The following MYRIP variants were observed in gnomAD, a reference collection of about 807,000 sequenced individuals.
MYRIP encodes the protein rab effector MyRIP.
MYRIP carries 49 observed loss-of-function variants against 98.0 expected under a neutral mutation model. The observed-to-expected ratio is 0.50, with a 90% CI of 0.40 to 0.63. The LOEUF (loss-of-function observed/expected upper bound fraction) is 0.63, where lower values mean the gene tolerates loss of function less well. MYRIP is among the 30% of genes least tolerant of loss of function. The probability of loss-of-function intolerance (pLI) is 0.00; values close to 1 mark genes in which losing one functional copy is unlikely to be tolerated. For synonymous variants in MYRIP, 404 were observed against 409.5 expected, an observed-to-expected ratio of 0.99 and a Z score of 0.16; for missense variants, 1,004 against 1,058.2, an observed-to-expected ratio of 0.95 and a Z score of 0.71.
intron 10 of MYRIP, among the ~76,000 whole-genome samples, chr3:40,196,204 T>C (rs1181364822): frequency 6.6e-6 from 1 of 152,060 alleles, no homozygotes. Flanking sequence ...CTTTCATTCA[T>C]TAATCCCAGG....
At chr3:39,912,975 G>A (rs1944060233) in intron 2 of MYRIP, among the ~76,000 whole-genome samples, 1 of 152,174 alleles carries the variant, frequency 6.6e-6, no homozygotes, top group Admixed American at 6.5e-5. Context: ...AGGAGGCGGA[G>A]GTTGCAGTAA....
chr3:39,970,003 T>G (rs746296390), intron 2 of MYRIP: 1 of 152,172 alleles, frequency 6.6e-6, no homozygotes, highest in African/African-American at 2.4e-5. Flanking sequence ...TGGAGCTTGT[T>G]GTTAAGTCTG....
intron 4 of MYRIP, among the ~76,000 whole-genome samples, chr3:40,161,438 A>G (rs1950393517): frequency 6.6e-6 from 1 of 151,788 alleles, no homozygotes; most frequent in South Asian, 2.1e-4. Context: ...GCAACCTCAA[A>G]TCTTCCTTCC....
At chr3:40,011,193 C>T (rs770633025) in intron 2 of MYRIP, among the ~76,000 whole-genome samples, 1 of 152,180 alleles carries the variant, frequency 6.6e-6, no homozygotes, top group African/African-American at 2.4e-5. Context: ...TCCCTCTAAG[C>T]ATCCTATGCC....
rs527868317 is a variant in MYRIP at position 40,135,796 on chromosome 3, G to A, written c.333-15252G>A. ...TCCAGCCAAACTAAGCTTCATAAGT[G>A]AAGGAGAAATAAAATACTTTACAGA... On this transcript the variant is annotated intron_variant, in intron 3 of 16. Transcript: ENST00000302541. Among the ~76,000 whole-genome samples, 116 of 152,262 alleles carry A rather than the reference G, an allele frequency of 7.6e-4. 1 individual carries two copies. The highest frequency in any genetic ancestry group is 2.5e-3 in the African/African-American group (102 of 41,558).
chr3:39,818,520 T>A (rs1428979420), intron 1 of MYRIP, among the ~76,000 whole-genome samples: 1 of 152,212 alleles, frequency 6.6e-6, no homozygotes, highest in Non-Finnish European at 1.5e-5. Context: ...TTATTTGGTG[T>A]TTTTGAAAGA....
intron 3 of MYRIP, among the ~76,000 whole-genome samples, chr3:40,092,863 C>A (rs961928535): frequency 1.3e-5 from 2 of 152,176 alleles, no homozygotes; most frequent in Admixed American, 6.5e-5. Context: ...CTTCTAGAAG[C>A]TAGTCTGTCT....
chr3:39,996,792 T>A (rs1946370535), intron 2 of MYRIP, among the ~76,000 whole-genome samples: 1 of 152,108 alleles, frequency 6.6e-6, no homozygotes, highest in African/African-American at 2.4e-5. Flanking sequence ...AGTAAAGCAC[T>A]CCTCAGCAAA....
chr3:39,916,397 T>C (rs1575376033), intron 2 of MYRIP, among the ~76,000 whole-genome samples: 1 of 128,088 alleles, frequency 7.8e-6, no homozygotes, highest in East Asian at 2.2e-4. Context: ...CTTATCCTTT[T>C]ATATTGAGAA....
At chr3:39,908,517 C>G (rs796931147) in intron 2 of MYRIP, among the ~76,000 whole-genome samples, 1 of 152,094 alleles carries the variant, frequency 6.6e-6, no homozygotes, top group African/African-American at 2.4e-5. Context: ...GGAAGCAAAG[C>G]CTTTCTCAAA....
At position 40,167,693 on chromosome 3, in the gene MYRIP, C is replaced by G. The variant is rs1575591495; in HGVS notation, c.729+454C>G. Among the ~76,000 whole-genome samples, 3 of 152,296 alleles carry G rather than the reference C, an allele frequency of 2.0e-5. No individual in the cohort carries two copies. The East Asian group carries it at 5.8e-4, about 29-fold the overall frequency. On this transcript the variant is annotated intron_variant, in intron 7 of 16. Coordinates refer to ENST00000302541, the MANE Select transcript of MYRIP (RefSeq NM_015460.4). ...ACACCAGCCACAAGTTTCAGGTATC[C>G]CAAAGCCACCACACTTCTCCCTAGC...
rs1011098295 is a variant in MYRIP at position 39,900,882 on chromosome 3, T to C, written c.66T>C (p.Val22=). Residue 22 remains valine (V), a synonymous_variant, in exon 2 of 17, where the codon GTT becomes GTC. Transcript: ENST00000302541. Reference sequence around the variant, plus strand: ...AAACAGAGCATGTTCTTCAGGTGGTTCAAAGAGACTTCAATCTTCGCAAAA... The same window carrying C: ...AAACAGAGCATGTTCTTCAGGTGGTCCAAAGAGACTTCAATCTTCGCAAAA... ...DDETEHVLQV[V]QRDFNLRKKE... 2 of 1,613,692 alleles carry C rather than the reference T, an allele frequency of 1.2e-6. No homozygotes were observed. Among genetic ancestry groups the C allele is most frequent in the Admixed American group, 1.7e-5 (1 of 60,000 alleles).
chr3:40,174,350 C>T (rs1950699021), intron 8 of MYRIP: 1 of 152,234 alleles, frequency 6.6e-6, no homozygotes, highest in Admixed American at 6.5e-5. Context: ...CCATGATTTT[C>T]AATATGTAAA....
intron 3 of MYRIP, among the ~76,000 whole-genome samples, chr3:40,138,964 A>G (rs965357843): frequency 7.2e-5 from 11 of 152,068 alleles, no homozygotes; most frequent in African/African-American, 9.7e-5. Flanking sequence ...GTCTCTCCCT[A>G]TCACCTTCTT....
intron 2 of MYRIP, among the ~76,000 whole-genome samples, chr3:39,960,426 G>A (rs1210105749): frequency 1.3e-5 from 2 of 152,098 alleles, no homozygotes; most frequent in Middle Eastern, 3.2e-3. Flanking sequence ...TTTAATAATA[G>A]CATGCAGTAA....
At chr3:40,109,481 C>T (rs1243127702) in intron 3 of MYRIP, among the ~76,000 whole-genome samples, 1 of 152,178 alleles carries the variant, frequency 6.6e-6, no homozygotes, top group East Asian at 1.9e-4. Context: ...GAGCCATTGC[C>T]TTTCAAGGAG....
chr3:39,911,425 T>G (rs964561573), intron 2 of MYRIP, among the ~76,000 whole-genome samples: 2 of 152,230 alleles, frequency 1.3e-5, no homozygotes, highest in African/African-American at 4.8e-5. Flanking sequence ...TCTACTAGGT[T>G]GCTTTTATGG....
intron 1 of MYRIP, among the ~76,000 whole-genome samples, chr3:39,873,291 C>T (rs1443622912): frequency 1.3e-5 from 2 of 152,172 alleles, no homozygotes; most frequent in South Asian, 2.1e-4. Context: ...TGTAGGTTGC[C>T]TGTTCACTCT....
chr3:39,967,006 G>A (rs536415433), intron 2 of MYRIP, among the ~76,000 whole-genome samples: 17 of 152,292 alleles, frequency 1.1e-4, no homozygotes, highest in African/African-American at 3.9e-4. Flanking sequence ...AACAAGCTAT[G>A]TCATTTCTCT....
Sources: gnomAD v4.1 joint callset for allele counts (sites outside exome capture counted in the v4.1 genomes callset) on GRCh38, gnomAD v4.1.1 for gene constraint, MANE v1.5 for transcripts, NCBI Gene and HGNC (gene_info 2026-07-23, HGNC 2026-07-21) for gene names.